Variants in HNF4G observed in about 807,000 individuals in gnomAD.
HNF4G encodes the protein hepatocyte nuclear factor 4 gamma, also known as hepatocyte nuclear factor 4-gamma.
In HNF4G, 21 loss-of-function variants were observed where a neutral mutation model predicts 50.9. The ratio of observed to expected loss-of-function variants is 0.41; its 90% CI spans 0.29 to 0.59. The LOEUF (loss-of-function observed/expected upper bound fraction) is 0.59, where lower values mean the gene tolerates loss of function less well. HNF4G is among the 20% of genes least tolerant of loss of function. The probability of loss-of-function intolerance (pLI) is 0.26; values close to 1 mark genes in which losing one functional copy is unlikely to be tolerated. For missense variants in HNF4G, 527 were observed against 559.4 expected (o/e 0.94, Z 0.58); for synonymous variants, 198 against 185.6 (o/e 1.07, Z -0.54).
intron 1 of HNF4G, among the ~76,000 whole-genome samples, chr8:75,433,174 G>A (rs13249295): frequency 0.044 from 6,681 of 152,212 alleles, 193 homozygotes; most frequent in Non-Finnish European, 0.062. Flanking sequence ...AGCTGAGGCA[G>A]GGGCATGGCT....
chr8:75,455,145 A>C (rs576998429), intron 1 of HNF4G, among the ~76,000 whole-genome samples: 23 of 152,256 alleles, frequency 1.5e-4, no homozygotes, highest in Admixed American at 3.9e-4. Flanking sequence ...AAGTATATCA[A>C]CTCTCAAAAT....
chr8:75,524,156 G>A (rs575022171), intron 2 of HNF4G, among the ~76,000 whole-genome samples: 24 of 152,196 alleles, frequency 1.6e-4, no homozygotes, highest in African/African-American at 5.5e-4. Flanking sequence ...AAGACCTATA[G>A]TGGACACACA....
At chr8:75,552,875 A>G (rs1807000340) in intron 4 of HNF4G, among the ~76,000 whole-genome samples, 167 bp from the exon 5 acceptor site, 1 of 152,082 alleles carries the variant, frequency 6.6e-6, no homozygotes, top group Admixed American at 6.6e-5. Flanking sequence ...TTTCAATTTA[A>G]ATCAGTATTT....
At chr8:75,425,637 C>G (rs575245344) in intron 1 of HNF4G, among the ~76,000 whole-genome samples, 1 of 149,130 alleles carries the variant, frequency 6.7e-6, no homozygotes, top group Admixed American at 6.7e-5. Flanking sequence ...GTAACCATTG[C>G]TATGCCACAT....
At chr8:75,500,249 G>A (rs747780881) in intron 2 of HNF4G, among the ~76,000 whole-genome samples, 2 of 151,950 alleles carry the variant, frequency 1.3e-5, no homozygotes, top group African/African-American at 2.4e-5. Flanking sequence ...ATATATAAAC[G>A]AACAATAAGC....
chr8:75,511,154 T>G (rs183627107), intron 2 of HNF4G, among the ~76,000 whole-genome samples: 1 of 152,276 alleles, frequency 6.6e-6, no homozygotes, highest in African/African-American at 2.4e-5. Flanking sequence ...ATGTAAGTCA[T>G]TAATCTACAT....
chr8:75,520,852 C>T (rs1806021901), intron 2 of HNF4G, among the ~76,000 whole-genome samples: 1 of 151,978 alleles, frequency 6.6e-6, no homozygotes, highest in Non-Finnish European at 1.5e-5. Context: ...TCTGACAAAA[C>T]TTATTTTTCT....
chr8:75,435,892 C>A (rs1811125137), intron 1 of HNF4G, among the ~76,000 whole-genome samples: 1 of 152,028 alleles, frequency 6.6e-6, no homozygotes, highest in African/African-American at 2.4e-5. Context: ...CCACACCCAG[C>A]CAAAAAACAA....
At chr8:75,474,746 G>T (rs1812200369) in intron 1 of HNF4G, among the ~76,000 whole-genome samples, 1 of 152,068 alleles carries the variant, frequency 6.6e-6, no homozygotes, top group Non-Finnish European at 1.5e-5. Context: ...TGCCCAGGCT[G>T]GAGTGCAGTG....
chr8:75,443,122 T>A (rs891334823), intron 1 of HNF4G, among the ~76,000 whole-genome samples: 76 of 152,154 alleles, frequency 5.0e-4, no homozygotes, highest in Non-Finnish European at 6.6e-4. Context: ...CTAGCTAGTC[T>A]CTTCTACCAT....
intron 1 of HNF4G, among the ~76,000 whole-genome samples, chr8:75,541,662 T>A (rs1454093311): frequency 6.6e-6 from 1 of 152,102 alleles, no homozygotes; most frequent in African/African-American, 2.4e-5. Context: ...AATCAGTTGT[T>A]AATATACAAT....
intron 1 of HNF4G, among the ~76,000 whole-genome samples, chr8:75,422,662 C>G (rs1292262809): frequency 1.3e-5 from 2 of 149,458 alleles, no homozygotes; most frequent in African/African-American, 4.9e-5. Context: ...GAGACGGAGT[C>G]TCACTCTGTC....
At position 75,531,903 on chromosome 8, in the gene HNF4G, C is replaced by T. The variant is rs925137782; in HGVS notation, c.-23-11908C>T. Among the ~76,000 whole-genome samples the T allele has an allele frequency of 4.6e-5, 7 of 152,150 alleles. No homozygotes were observed. The East Asian group carries it at 1.4e-3, about 29-fold the overall frequency. ...GACAACTGTATTCATTGGCCATATA[C>T]ACCAAATAAATTGGAATTTCTCTTT... On this transcript the variant is annotated intron_variant, in intron 2 of 10. Coordinates refer to the HNF4G transcript ENST00000354370.
At chr8:75,530,866 C>A (rs2130765827) in intron 2 of HNF4G, among the ~76,000 whole-genome samples, 1 of 144,376 alleles carries the variant, frequency 6.9e-6, no homozygotes, top group Non-Finnish European at 1.5e-5. Flanking sequence ...GATCTCGGTT[C>A]ACTGCAACCT....
intron 2 of HNF4G, among the ~76,000 whole-genome samples, chr8:75,497,368 C>A (rs945552097): frequency 6.6e-6 from 1 of 152,022 alleles, no homozygotes; most frequent in Non-Finnish European, 1.5e-5. Flanking sequence ...ATATAATACA[C>A]CTAATAATGT....
chr8:75,480,717 C>CTTTTTTTTTTTTTTT (rs748221253), intron 1 of HNF4G, among the ~76,000 whole-genome samples: 1 of 123,918 alleles, frequency 8.1e-6, no homozygotes. Context: ...TTTTCTTTTT[C>CTTTTTTTTTTTTTTT]TTTCTTTTTT....
At chr8:75,545,445 C>A (rs957766923) in intron 2 of HNF4G, among the ~76,000 whole-genome samples, 7 of 152,054 alleles carry the variant, frequency 4.6e-5, no homozygotes, top group Non-Finnish European at 8.8e-5. Context: ...ACTCCTGCAC[C>A]TTCCTATTAA....
At chr8:75,551,273 C>T (rs1044299986) in intron 3 of HNF4G, 115 bp from the exon 4 acceptor site, 3 of 599,656 alleles carry the variant, frequency 5.0e-6, no homozygotes, top group African/African-American at 3.7e-5. Context: ...CTTCCAAGGT[C>T]TTTTAGAAAG....
chr8:75,453,423 A>G (rs902829315), intron 1 of HNF4G, among the ~76,000 whole-genome samples: 1 of 152,194 alleles, frequency 6.6e-6, no homozygotes, highest in Non-Finnish European at 1.5e-5. Context: ...GTAAAATGGA[A>G]CGATCAGCAC....
Sources: gnomAD v4.1 joint callset for allele counts (sites outside exome capture counted in the v4.1 genomes callset) on GRCh38, gnomAD v4.1.1 for gene constraint, MANE v1.5 for transcripts, NCBI Gene and HGNC (gene_info 2026-07-23, HGNC 2026-07-21) for gene names.